Variants in RBM27 observed in about 807,000 individuals in gnomAD.
The protein encoded by RBM27 is RNA binding motif protein 27.
Under a neutral mutation model 135.3 loss-of-function variants are expected in RBM27, and 22 were observed. The observed-to-expected ratio is 0.16, with a 90% CI of 0.12 to 0.23. The LOEUF (loss-of-function observed/expected upper bound fraction) is 0.23, where lower values mean the gene tolerates loss of function less well. Ranked by LOEUF, RBM27 falls within the 10% of genes least tolerant of loss-of-function variation. The pLI is 1.00. For synonymous variants in RBM27, 481 were observed against 442.4 expected (o/e 1.09, Z -1.10); for missense variants, 1,009 against 1,281.0 (o/e 0.79, Z 3.24).
At chr5:146,265,040 A>G (rs1249198394) in intron 14 of RBM27, among the ~76,000 whole-genome samples, 1 of 152,204 alleles carries the variant, frequency 6.6e-6, no homozygotes, top group African/African-American at 2.4e-5. Flanking sequence ...TTGGCAGTAC[A>G]GTATCTGCAA....
chr5:146,241,603 C>T (rs914355626), intron 8 of RBM27, among the ~76,000 whole-genome samples: 2 of 152,190 alleles, frequency 1.3e-5, no homozygotes, highest in African/African-American at 2.4e-5. Context: ...GGACTACAGT[C>T]GTGGGCCCCA....
In RBM27 at chr5:146,233,628, GGGCCCAGGTCCAGGCCCA is replaced by G. The variant is rs1757036897; in HGVS notation, c.1035_1052del (p.Pro353_Gly358del). The G allele has an allele frequency of 6.3e-7, 1 of 1,594,204 alleles. No individual in the cohort carries two copies. Among genetic ancestry groups the G allele is most frequent in the African/African-American group, 1.4e-5 (1 of 73,614 alleles). On this transcript the variant is annotated inframe_deletion, in exon 7 of 21. Coordinates refer to ENST00000265271, the MANE Select transcript of RBM27 (RefSeq NM_018989.2). ...CAATGCCAGGTCCAGGCCCAGGCCC[GGGCCCAGGTCCAGGCCCA>G]GGCCCGGGCCCAGGTCCAGGTCCTG...
At chr5:146,223,126 T>A (rs940343716) in intron 2 of RBM27, among the ~76,000 whole-genome samples, 1 of 152,198 alleles carries the variant, frequency 6.6e-6, no homozygotes, top group Non-Finnish European at 1.5e-5. Flanking sequence ...TGTCCCATAG[T>A]TTATTTAACT....
At position 146,286,107 on chromosome 5, in the gene RBM27, A is replaced by G. The variant is rs550271848; in HGVS notation, c.*77A>G. On this transcript the variant is annotated 3_prime_UTR_variant, in exon 21 of 21. Coordinates refer to ENST00000265271, the MANE Select transcript of RBM27 (RefSeq NM_018989.2). ...TTTAAAAATTATTTAAAAGAAGTCA[A>G]TGAGCCAAAAAAAATTTTTTTATTT... The G allele has an allele frequency of 1.6e-5, 22 of 1,373,824 alleles. No individual in the cohort carries two copies. In the East Asian group the frequency reaches 2.4e-4, roughly 15 times the overall value. The allele number at this position is 1,373,824 out of a possible 1,614,324, so 85.1% of individuals were successfully genotyped here. A position where few individuals can be genotyped will look rare whatever the true frequency, so the allele number is the denominator to read the frequency against.
chr5:146,217,696 A>G (rs766962258), intron 1 of RBM27, among the ~76,000 whole-genome samples: 4 of 151,986 alleles, frequency 2.6e-5, no homozygotes, highest in African/African-American at 2.4e-5. Flanking sequence ...TATAGGTTAT[A>G]TAATCACTTT....
intron 14 of RBM27, among the ~76,000 whole-genome samples, chr5:146,264,164 A>G (rs1023907307): frequency 2.2e-4 from 34 of 151,296 alleles, no homozygotes; most frequent in African/African-American, 8.0e-4. Context: ...AGAATTTTAG[A>G]TATTTATTTG....
intron 13 of RBM27, 74 bp from the exon 14 acceptor site, chr5:146,263,417 T>A: frequency 7.0e-7 from 1 of 1,421,640 alleles, no homozygotes; most frequent in Non-Finnish European, 9.7e-7. Flanking sequence ...CCTAGAGTAA[T>A]CATCTTAAAT....
intron 20 of RBM27, 58 bp downstream of exon 20, chr5:146,284,790 T>C (rs1263725450): frequency 9.5e-6 from 10 of 1,054,742 alleles, no homozygotes; most frequent in South Asian, 1.4e-5. Context: ...TTATGTATTT[T>C]TTATGATATT....
Position 146,203,617 on chromosome 5 carries a change from G to GC in RBM27, c.-145dup. 1.4e-6 allele frequency: 1 copy of GC among 691,800 alleles called. No homozygotes were observed. Among genetic ancestry groups the GC allele is most frequent in the Admixed American group, 2.6e-5 (1 of 37,796 alleles). 42.9% of individuals were successfully genotyped at this position (691,800 alleles called of 1,614,324 possible). On this transcript the variant is annotated 5_prime_UTR_variant, in exon 1 of 21. Coordinates refer to ENST00000265271, the MANE Select transcript of RBM27 (RefSeq NM_018989.2). Reference sequence around the variant, plus strand: ...GGGCTCTTGGGTTAGTTCCTGTTAGGCCCCGGCCGGGGGAGTAGGTTGAAG... The same window carrying GC: ...GGGCTCTTGGGTTAGTTCCTGTTAGGCCCCCGGCCGGGGGAGTAGGTTGAAG...
intron 5 of RBM27, among the ~76,000 whole-genome samples, chr5:146,230,312 T>C (rs895891002): frequency 2.0e-5 from 3 of 152,176 alleles, no homozygotes; most frequent in Non-Finnish European, 4.4e-5. Flanking sequence ...AATAAGTAGA[T>C]TATTGGGATC....
At chr5:146,279,371 C>T (rs1759229568) in intron 19 of RBM27, among the ~76,000 whole-genome samples, 1 of 151,784 alleles carries the variant, frequency 6.6e-6, no homozygotes, top group South Asian at 2.1e-4. Flanking sequence ...ATCACTTAAA[C>T]CTGGGAGGCG....
At chr5:146,237,699 T>C (rs928682669) in intron 8 of RBM27, among the ~76,000 whole-genome samples, 1 of 152,164 alleles carries the variant, frequency 6.6e-6, no homozygotes, top group Admixed American at 6.5e-5. Context: ...CTCCTTTTTA[T>C]TTTTTTGAGA....
At chr5:146,220,933 A>T (rs1012460689) in intron 2 of RBM27, among the ~76,000 whole-genome samples, 2 of 152,066 alleles carry the variant, frequency 1.3e-5, no homozygotes, top group Non-Finnish European at 2.9e-5. Context: ...GTTAGAAAGG[A>T]TTGGCCAGGC....
intron 2 of RBM27, 93 bp downstream of exon 2, chr5:146,219,196 A>G (rs762372542): frequency 1.2e-6 from 1 of 841,870 alleles, no homozygotes; most frequent in Non-Finnish European, 1.9e-6. Flanking sequence ...TTGATAGGAA[A>G]GAAAGTAGTC....
intron 8 of RBM27, among the ~76,000 whole-genome samples, chr5:146,244,410 T>G (rs1757532205): frequency 6.6e-6 from 1 of 152,212 alleles, no homozygotes; most frequent in Admixed American, 6.5e-5. Context: ...TTACTTTTCT[T>G]GAGTTAAAAT....
intron 8 of RBM27, among the ~76,000 whole-genome samples, chr5:146,244,680 C>T (rs751567440): frequency 2.9e-4 from 44 of 152,076 alleles, no homozygotes; most frequent in Non-Finnish European, 5.7e-4. Flanking sequence ...TTTGGGACCA[C>T]AGGCATGCAC....
At position 146,286,819 on chromosome 5, in the gene RBM27, A is replaced by G. The variant is rs1415901242; in HGVS notation, c.*789A>G. On this transcript the variant is annotated 3_prime_UTR_variant, in exon 21 of 21. Coordinates refer to ENST00000265271, the MANE Select transcript of RBM27 (RefSeq NM_018989.2). ...CTCAGAATGTAAAAGGCTTTCACCTATTGCCCCTTTCTCGTCCCCCTTTTC... is the reference window on the plus strand; with the variant it reads ...CTCAGAATGTAAAAGGCTTTCACCTGTTGCCCCTTTCTCGTCCCCCTTTTC... 2.0e-5 allele frequency: 3 copies of G among 152,210 alleles called. No individual in the cohort carries two copies. Among genetic ancestry groups the G allele is most frequent in the African/African-American group, 7.2e-5 (3 of 41,386 alleles). 9.4% of individuals were successfully genotyped at this position (152,210 alleles called of 1,614,324 possible).
intron 1 of RBM27, among the ~76,000 whole-genome samples, chr5:146,210,933 C>G (rs532047497): frequency 1.4e-5 from 2 of 143,820 alleles, no homozygotes; most frequent in Non-Finnish European, 3.0e-5. Flanking sequence ...GGCGGCAGAG[C>G]GAGACTCCGT....
chr5:146,252,488 T>A (rs1757934514), intron 9 of RBM27, among the ~76,000 whole-genome samples: 2 of 152,202 alleles, frequency 1.3e-5, no homozygotes, highest in Admixed American at 1.3e-4. Flanking sequence ...ATTCCCAGGA[T>A]TTATGGCACA....
Sources: allele counts gnomAD v4.1 joint callset (sites outside exome capture counted in the v4.1 genomes callset), GRCh38; gene constraint gnomAD v4.1.1; transcripts MANE v1.5; gene names NCBI Gene and HGNC (gene_info 2026-07-23, HGNC 2026-07-21).